RSRC1: variants seen among roughly 807,000 people sequenced by gnomAD.
RSRC1 encodes serine/Arginine-related protein 53.
RSRC1 carries 39 observed loss-of-function variants against 49.1 expected under a neutral mutation model. The ratio of observed to expected loss-of-function variants is 0.79; its 90% confidence interval spans 0.61 to 1.04. The LOEUF (loss-of-function observed/expected upper bound fraction) is 1.04, where lower values mean the gene tolerates loss of function less well. Ranked by LOEUF, RSRC1 falls within the 50% of genes least tolerant of loss-of-function variation. The pLI is 0.00. For synonymous variants in RSRC1, 143 were observed against 130.8 expected, an observed-to-expected ratio of 1.09 and a Z score of -0.63; for missense variants, 388 against 402.4, an observed-to-expected ratio of 0.96 and a Z score of 0.31.
At chr3:158,336,788 G>C (rs1057322487) in intron 5 of RSRC1, 8 of 152,170 alleles carry the variant, frequency 5.3e-5, no homozygotes, top group Non-Finnish European at 1.2e-4. Flanking sequence ...AGTAGTAACA[G>C]TGGTACAGCC....
intron 7 of RSRC1, among the ~76,000 whole-genome samples, chr3:158,533,515 A>C (rs1162816180): frequency 6.6e-6 from 1 of 151,726 alleles, no homozygotes; most frequent in Non-Finnish European, 1.5e-5. Context: ...TGTATGTCCA[A>C]ATTTAAAGCT....
chr3:158,133,202 A>T (rs1716148795), intron 3 of RSRC1, among the ~76,000 whole-genome samples: 1 of 152,196 alleles, frequency 6.6e-6, no homozygotes, highest in Non-Finnish European at 1.5e-5. Flanking sequence ...GATCACTTTA[A>T]TGAAAACATT....
chr3:158,518,311 A>AT (rs1302254859), intron 7 of RSRC1, among the ~76,000 whole-genome samples: 4 of 149,228 alleles, frequency 2.7e-5, no homozygotes, highest in African/African-American at 9.9e-5. Context: ...CATCAAAATT[A>AT]TTTTTTCCTT....
intron 6 of RSRC1, among the ~76,000 whole-genome samples, chr3:158,429,270 A>G: frequency 6.6e-6 from 1 of 151,596 alleles, no homozygotes; most frequent in Non-Finnish European, 1.5e-5. Flanking sequence ...TTACACTATG[A>G]AATATTATGC....
intron 4 of RSRC1, among the ~76,000 whole-genome samples, chr3:158,295,127 A>C (rs1727163998): frequency 6.6e-6 from 1 of 152,154 alleles, no homozygotes; most frequent in Admixed American, 6.6e-5. Context: ...AATATATAGG[A>C]AGAATTCATC....
intron 7 of RSRC1, among the ~76,000 whole-genome samples, chr3:158,513,142 C>T (rs1740284577): frequency 6.7e-6 from 1 of 149,838 alleles, no homozygotes; most frequent in Admixed American, 6.7e-5. Context: ...GGCAGCACTT[C>T]CAACACTGTG....
intron 4 of RSRC1, among the ~76,000 whole-genome samples, chr3:158,286,922 G>T (rs926707794): frequency 1.3e-5 from 2 of 152,164 alleles, no homozygotes; most frequent in Non-Finnish European, 2.9e-5. Flanking sequence ...TGCCTCCTGG[G>T]TTCAAGTGAT....
intron 6 of RSRC1, among the ~76,000 whole-genome samples, chr3:158,376,081 C>T (rs9853566): frequency 0.51 from 70,692 of 137,840 alleles, 18,697 homozygotes; most frequent in South Asian, 0.6. Flanking sequence ...CCTCTCGACC[C>T]CCCTTCCTTC....
At chr3:158,454,434 CTT>C (rs1737208557) in intron 6 of RSRC1, among the ~76,000 whole-genome samples, 1 of 152,062 alleles carries the variant, frequency 6.6e-6, no homozygotes, top group South Asian at 2.1e-4. Context: ...AATATTGTCA[CTT>C]AACTTTTTTT....
intron 3 of RSRC1, among the ~76,000 whole-genome samples, chr3:158,133,026 G>A (rs541318032): frequency 6.6e-6 from 1 of 152,130 alleles, no homozygotes; most frequent in Non-Finnish European, 1.5e-5. Context: ...GAAGTAAGAA[G>A]AGAATTTCTT....
chr3:158,502,874 A>G (rs1424934161), intron 7 of RSRC1, among the ~76,000 whole-genome samples: 1 of 152,148 alleles, frequency 6.6e-6, no homozygotes, highest in East Asian at 1.9e-4. Context: ...AAATGATTTC[A>G]GGGATTTCTT....
At chr3:158,268,879 CTT>C (rs1261602347) in intron 4 of RSRC1, among the ~76,000 whole-genome samples, 7 of 152,088 alleles carry the variant, frequency 4.6e-5, no homozygotes, top group Non-Finnish European at 1.0e-4. Context: ...TTCTTGAACA[CTT>C]TTGTTAATCA....
At chr3:158,316,815 A>G (rs78450362) in intron 5 of RSRC1, among the ~76,000 whole-genome samples, 1 of 152,308 alleles carries the variant, frequency 6.6e-6, no homozygotes, top group African/African-American at 2.4e-5. Context: ...AAGCATTGAC[A>G]TATAAGCCCA....
chr3:158,375,821 T>C (rs1324952139), intron 6 of RSRC1, among the ~76,000 whole-genome samples: 1 of 152,206 alleles, frequency 6.6e-6, no homozygotes, highest in African/African-American at 2.4e-5. Context: ...GTGTAATTTA[T>C]TTAAAAAACA....
intron 5 of RSRC1, among the ~76,000 whole-genome samples, chr3:158,329,510 C>T (rs955030417): frequency 2.0e-5 from 3 of 152,168 alleles, no homozygotes; most frequent in Non-Finnish European, 4.4e-5. Flanking sequence ...CACTCCAGCC[C>T]CTGTTTGCCT....
At chr3:158,450,810 A>T (rs911846146) in intron 6 of RSRC1, among the ~76,000 whole-genome samples, 14 of 151,924 alleles carry the variant, frequency 9.2e-5, no homozygotes, top group African/African-American at 3.1e-4. Flanking sequence ...ATGCTTTTTT[A>T]ACATTATATA....
rs1378334841 is a variant in RSRC1 at position 158,544,857 on chromosome 3, A to G, written c.*582A>G. ...ATCAGCTTCTACTAGATGCTCCTTTACAACATGTTAGCAGATCTCAGCTCA... is the reference window on the plus strand; with the variant it reads ...ATCAGCTTCTACTAGATGCTCCTTTGCAACATGTTAGCAGATCTCAGCTCA... On this transcript the variant is annotated 3_prime_UTR_variant, in exon 10 of 10. Transcript: ENST00000611884. 6.6e-6 allele frequency: 1 copy of G among 151,930 alleles called. No homozygotes were observed. Among genetic ancestry groups the G allele is most frequent in the Non-Finnish European group, 1.5e-5 (1 of 68,074 alleles). The allele number at this position is 151,930 out of a possible 1,614,324, so 9.4% of individuals were successfully genotyped here. A position where few individuals can be genotyped will look rare whatever the true frequency, so the allele number is the denominator to read the frequency against.
intron 5 of RSRC1, among the ~76,000 whole-genome samples, chr3:158,337,896 A>G (rs73874378): frequency 9.2e-5 from 14 of 152,336 alleles, no homozygotes; most frequent in South Asian, 4.1e-4. Context: ...TGATGATTAC[A>G]TGGAGAAGGA....
intron 5 of RSRC1, among the ~76,000 whole-genome samples, chr3:158,331,797 A>T (rs1275288340): frequency 6.8e-6 from 1 of 148,006 alleles, no homozygotes; most frequent in East Asian, 2.0e-4. Flanking sequence ...AAGATTACAT[A>T]TTTTTTTTCA....
Sources: allele counts gnomAD v4.1 joint callset (sites outside exome capture counted in the v4.1 genomes callset), GRCh38; gene constraint gnomAD v4.1.1; transcripts MANE v1.5; gene names NCBI Gene and HGNC (gene_info 2026-07-23, HGNC 2026-07-21).